Variants in RBFOX1 observed in about 807,000 individuals in gnomAD.
RBFOX1 encodes the protein RNA binding protein fox-1 homolog 1.
Under a neutral mutation model 57.7 loss-of-function variants are expected in RBFOX1, and 8 were observed. The ratio of observed to expected loss-of-function variants is 0.14; its 90% CI spans 0.08 to 0.25. RBFOX1 has a LOEUF of 0.25. Among genes scored for constraint, RBFOX1 ranks in the 10% least tolerant of loss-of-function variants. The pLI is 1.00. For missense variants in RBFOX1, 611 were observed against 548.5 expected, an observed-to-expected ratio of 1.11 and a Z score of -1.14; for synonymous variants, 326 against 222.4, an observed-to-expected ratio of 1.47 and a Z score of -4.15.
rs189174994 is a variant in RBFOX1 at position 6,994,301 on chromosome 16, C to G, written c.-15-57756C>G. 4.2e-4 allele frequency among the ~76,000 whole-genome samples: 64 copies of G among 152,300 alleles called. No homozygotes were observed. The East Asian group carries it at 8.5e-3, about 20-fold the overall frequency. ...TCCGACTTAATGAAGCCATCTTCAT[C>G]TTAAATGCAGGGTTGGATGTAAGTG... On this transcript the variant is annotated intron_variant, in intron 3 of 15. Coordinates refer to ENST00000550418, the MANE Select transcript of RBFOX1 (RefSeq NM_018723.4).
chr16:6,843,624 G>A (rs2093608804), intron 3 of RBFOX1, among the ~76,000 whole-genome samples: 1 of 152,324 alleles, frequency 6.6e-6, no homozygotes, highest in South Asian at 2.1e-4. Context: ...AGGAGGTGGA[G>A]CTTGCAGTGA....
rs978263962 is a variant in RBFOX1 at position 5,498,476 on chromosome 16, G to C, written c.258+31222G>C. The stretch of plus-strand genomic sequence containing the variant: ...TAATTGGCAGCAGTAGTGATGGTGG[G>C]TGTTTGTTTTTGTTCAGTTTCTTTG... On this transcript the variant is annotated intron_variant, in intron 2 of 2. Coordinates refer to the RBFOX1 transcript ENST00000585867. Among the ~76,000 whole-genome samples, 9 of 152,268 alleles carry C rather than the reference G, an allele frequency of 5.9e-5. No individual in the cohort carries two copies. In the East Asian group the frequency reaches 1.7e-3, roughly 29 times the overall value.
chr16:5,365,908 A>G (rs1181732061), intron 1 of RBFOX1: 6 of 500,102 alleles, frequency 1.2e-5, no homozygotes, highest in African/African-American at 1.2e-4. Context: ...AATGATGAAA[A>G]GGAGCACCAG....
At chr16:6,507,615 G>T (rs1024522580) in intron 2 of RBFOX1, among the ~76,000 whole-genome samples, 1 of 151,896 alleles carries the variant, frequency 6.6e-6, no homozygotes, top group Non-Finnish European at 1.5e-5. Context: ...AGGCTGCAGT[G>T]AGCTGTGATT....
At chr16:7,455,862 A>T (rs965011313) in intron 4 of RBFOX1, among the ~76,000 whole-genome samples, 1 of 152,120 alleles carries the variant, frequency 6.6e-6, no homozygotes, top group Admixed American at 6.5e-5. Flanking sequence ...TGACATTGAA[A>T]CTTACTATGA....
intron 4 of RBFOX1, among the ~76,000 whole-genome samples, chr16:7,495,449 C>T (rs1400579840): frequency 6.6e-6 from 1 of 152,168 alleles, no homozygotes; most frequent in African/African-American, 2.4e-5. Flanking sequence ...GTGTATCAGC[C>T]ATCCTTTTTC....
At chr16:5,974,224 C>G (rs1046588091) in intron 4 of RBFOX1, among the ~76,000 whole-genome samples, 1 of 152,180 alleles carries the variant, frequency 6.6e-6, no homozygotes, top group Non-Finnish European at 1.5e-5. Context: ...TCAGCTGTTC[C>G]TGTTGCATTT....
chr16:5,742,661 C>A (rs1323182877), intron 3 of RBFOX1, among the ~76,000 whole-genome samples: 1 of 152,198 alleles, frequency 6.6e-6, no homozygotes, highest in African/African-American at 2.4e-5. Context: ...CTAGGCATAA[C>A]AGAGTACTGG....
At chr16:7,376,764 G>C (rs2097692833) in intron 4 of RBFOX1, among the ~76,000 whole-genome samples, 1 of 152,240 alleles carries the variant, frequency 6.6e-6, no homozygotes, top group Non-Finnish European at 1.5e-5. Context: ...AAGTTAAAAC[G>C]TCAGTGCAGA....
chr16:5,784,727 G>C lies in RBFOX1; in HGVS notation c.319-82576G>C, dbSNP rs192468501. ...CAGGGGTAATTAAATCATGAGCATGGTGTCCTTATGAATTGGATTAGTGCC... is the reference window on the plus strand; with the variant it reads ...CAGGGGTAATTAAATCATGAGCATGCTGTCCTTATGAATTGGATTAGTGCC... On this transcript the variant is annotated intron_variant, in intron 3 of 19. Coordinates refer to the RBFOX1 transcript ENST00000641259. Among the ~76,000 whole-genome samples the C allele has an allele frequency of 2.4e-4, 37 of 152,226 alleles. No individual in the cohort carries two copies. The East Asian group carries it at 4.3e-3, about 18-fold the overall frequency.
At chr16:6,180,015 C>G (rs1163492450) in intron 1 of RBFOX1, among the ~76,000 whole-genome samples, 1 of 152,102 alleles carries the variant, frequency 6.6e-6, no homozygotes, top group Non-Finnish European at 1.5e-5. Flanking sequence ...AAAGTTTTTT[C>G]CATGTGTGGC....
At chr16:6,295,955 A>G (rs1397916036) in intron 1 of RBFOX1, among the ~76,000 whole-genome samples, 1 of 152,192 alleles carries the variant, frequency 6.6e-6, no homozygotes, top group Non-Finnish European at 1.5e-5. Flanking sequence ...TTATTCACAT[A>G]TGTCTGTATG....
At chr16:6,001,456 GA>G (rs1485155837) in intron 4 of RBFOX1, among the ~76,000 whole-genome samples, 4 of 152,138 alleles carry the variant, frequency 2.6e-5, no homozygotes, top group African/African-American at 4.8e-5. Context: ...GACTTTGCTC[GA>G]ATTACAGAAA....
intron 1 of RBFOX1, among the ~76,000 whole-genome samples, chr16:5,263,865 G>A (rs752338163): frequency 3.9e-5 from 6 of 152,210 alleles, no homozygotes; most frequent in Non-Finnish European, 8.8e-5. Flanking sequence ...TAAAAATATT[G>A]CTGAAGAGAA....
intron 3 of RBFOX1, among the ~76,000 whole-genome samples, chr16:6,722,119 A>G (rs1032963969): frequency 6.6e-6 from 1 of 152,218 alleles, no homozygotes; most frequent in Non-Finnish European, 1.5e-5. Flanking sequence ...GCGGTTGCAC[A>G]GATATCTCTC....
chr16:7,059,941 C>G (rs889764489), intron 4 of RBFOX1, among the ~76,000 whole-genome samples: 1 of 152,102 alleles, frequency 6.6e-6, no homozygotes, highest in Non-Finnish European at 1.5e-5. Context: ...TGTATGAAAA[C>G]ACGATTCAAA....
intron 1 of RBFOX1, among the ~76,000 whole-genome samples, chr16:6,262,059 G>A (rs1039031286): frequency 1.3e-5 from 2 of 151,892 alleles, no homozygotes; most frequent in South Asian, 2.1e-4. Context: ...AAGAAAGATG[G>A]ATATTTTCTT....
intron 4 of RBFOX1, among the ~76,000 whole-genome samples, chr16:7,296,899 C>T (rs940728979): frequency 6.6e-6 from 1 of 152,150 alleles, no homozygotes; most frequent in African/African-American, 2.4e-5. Flanking sequence ...CCCCTGAGTC[C>T]TGTGTTTCTG....
chr16:5,613,607 T>A (rs192207886), intron 3 of RBFOX1, among the ~76,000 whole-genome samples: 16 of 152,162 alleles, frequency 1.1e-4, no homozygotes, highest in African/African-American at 3.6e-4. Context: ...GTTCATTTGA[T>A]GGACAAATTC....
Sources: gnomAD v4.1 joint callset for allele counts (sites outside exome capture counted in the v4.1 genomes callset) on GRCh38, gnomAD v4.1.1 for gene constraint, MANE v1.5 for transcripts, NCBI Gene and HGNC (gene_info 2026-07-23, HGNC 2026-07-21) for gene names.